Variants in IBTK observed in about 807,000 individuals in gnomAD.
The protein encoded by IBTK is BTK-binding protein.
IBTK carries 83 observed loss-of-function variants against 154.9 expected under a neutral mutation model. The ratio of observed to expected loss-of-function variants is 0.54; its 90% CI spans 0.45 to 0.64. The LOEUF is 0.64. Among genes scored for constraint, IBTK ranks in the 30% least tolerant of loss-of-function variants. The pLI, the probability that IBTK is intolerant of heterozygous loss-of-function variation, is 0.00. For missense variants in IBTK, 1,332 were observed against 1,584.6 expected, an observed-to-expected ratio of 0.84 and a Z score of 2.71; for synonymous variants, 515 against 536.1, an observed-to-expected ratio of 0.96 and a Z score of 0.54.
rs376815814 is a variant in IBTK, at chr6:82,197,254, T to A, written c.3026-808A>T. On this transcript the variant is annotated intron_variant, in intron 21 of 28. Coordinates refer to ENST00000306270, the MANE Select transcript of IBTK (RefSeq NM_015525.4). The stretch of plus-strand genomic sequence containing the variant: ...TGATTTAAAAATAAAACCTACCATC[T>A]CTTATACATTGTTCTCTTTAAAGTA... Among the ~76,000 whole-genome samples, 195 of 152,290 alleles carry A rather than the reference T, an allele frequency of 1.3e-3. 2 individuals are homozygous for A. The highest frequency in any genetic ancestry group is 0.012 in the South Asian group (59 of 4,824).
At chr6:82,198,675 A>G (rs546248091) in intron 21 of IBTK, among the ~76,000 whole-genome samples, 1 of 152,274 alleles carries the variant, frequency 6.6e-6, no homozygotes, top group Non-Finnish European at 1.5e-5. Flanking sequence ...TTGACTATGA[A>G]GTACTGTTAG....
At chr6:82,205,690 T>C (rs1769381381) in intron 16 of IBTK, 2 of 152,162 alleles carry the variant, frequency 1.3e-5, no homozygotes, top group African/African-American at 2.4e-5. Context: ...TGCTTGAACA[T>C]GGGAGGCAGA....
At chr6:82,239,124 T>C (rs941506744) in intron 2 of IBTK, among the ~76,000 whole-genome samples, 1 of 152,032 alleles carries the variant, frequency 6.6e-6, no homozygotes, top group Non-Finnish European at 1.5e-5. Flanking sequence ...TCCTAAATAA[T>C]GTTCAACAAC....
chr6:82,178,139 C>G (rs1768184531), intron 26 of IBTK, among the ~76,000 whole-genome samples: 1 of 152,186 alleles, frequency 6.6e-6, no homozygotes, highest in Admixed American at 6.5e-5. Flanking sequence ...GAATCACTAG[C>G]AGTGATAGCC....
chr6:82,239,391 CGA>C (rs1317881042), intron 2 of IBTK, among the ~76,000 whole-genome samples: 1 of 151,892 alleles, frequency 6.6e-6, no homozygotes, highest in Non-Finnish European at 1.5e-5. Context: ...TGCCATGATC[CGA>C]GATCAGGGGC....
chr6:82,222,914 AC>A (rs376674020), intron 8 of IBTK, among the ~76,000 whole-genome samples: 1,485 of 148,342 alleles, frequency 0.01, 10 homozygotes, highest in African/African-American at 0.013. Flanking sequence ...AAAAAAAAAA[AC>A]AAAAACTTTA....
At chr6:82,204,450 G>T (rs1001727069) in intron 17 of IBTK, among the ~76,000 whole-genome samples, 2 of 152,054 alleles carry the variant, frequency 1.3e-5, no homozygotes, top group Admixed American at 1.3e-4. Flanking sequence ...GCTTTGTTCA[G>T]ATATATAATG....
chr6:82,222,810 T>A (rs751980671), intron 8 of IBTK, among the ~76,000 whole-genome samples: 1 of 151,204 alleles, frequency 6.6e-6, no homozygotes, highest in Admixed American at 6.6e-5. Context: ...ACATCTGTAA[T>A]CCCAGCACTT....
At position 82,204,845 on chromosome 6, in the gene IBTK, A is replaced by C; in HGVS notation, c.2611+12T>G. The stretch of plus-strand genomic sequence containing the variant: ...TGAAAACATATTAATATTCAAACTC[A>C]AAATTACTCACGTTTTTCAGTTAAT... On this transcript the variant is annotated intron_variant, in intron 17 of 28. Transcript: ENST00000306270. The C allele has an allele frequency of 6.6e-7, 1 of 1,504,088 alleles. No homozygotes were observed. Among genetic ancestry groups the C allele is most frequent in the South Asian group, 1.2e-5 (1 of 82,254 alleles). The allele number at this position is 1,504,088 out of a possible 1,614,324, so 93.2% of individuals were successfully genotyped here.
At chr6:82,214,114 C>A (rs1447444650) in intron 12 of IBTK, 113 bp downstream of exon 12, 4 of 1,042,968 alleles carry the variant, frequency 3.8e-6, no homozygotes, top group Non-Finnish European at 5.5e-6. Flanking sequence ...CGCCACCACA[C>A]CCGGCTAATT....
intron 2 of IBTK, among the ~76,000 whole-genome samples, chr6:82,236,933 T>C (rs1362475113): frequency 6.6e-6 from 1 of 152,168 alleles, no homozygotes; most frequent in Non-Finnish European, 1.5e-5. Flanking sequence ...GTGGAATACA[T>C]CCACTGTTAT....
At chr6:82,191,487 G>A (rs1768766791) in intron 24 of IBTK, 1 of 557,550 alleles carries the variant, frequency 1.8e-6, no homozygotes, top group Non-Finnish European at 3.2e-6. Context: ...ATTTCAAAAA[G>A]AACTTGCATC....
chr6:82,205,366 C>G (rs1351434637), intron 16 of IBTK: 3 of 153,428 alleles, frequency 2.0e-5, no homozygotes. Context: ...CAGCATCACA[C>G]TTAATATATA....
chr6:82,230,154 G>A (rs905182502), intron 4 of IBTK, among the ~76,000 whole-genome samples: 3 of 152,080 alleles, frequency 2.0e-5, no homozygotes, highest in African/African-American at 7.2e-5. Context: ...TCAATCTCAG[G>A]ATATAAACTA....
intron 1 of IBTK, among the ~76,000 whole-genome samples, chr6:82,243,573 G>C (rs977799110): frequency 8.5e-5 from 13 of 152,174 alleles, no homozygotes; most frequent in African/African-American, 3.1e-4. Flanking sequence ...GATAGTCACT[G>C]AGTAGCCCTC....
intron 25 of IBTK, 107 bp from the exon 26 acceptor site, chr6:82,182,135 C>T: frequency 1.9e-6 from 2 of 1,030,132 alleles, no homozygotes; most frequent in Non-Finnish European, 2.8e-6. Flanking sequence ...TTACAATATA[C>T]AATTGCAGTT....
Position 82,240,262 on chromosome 6 carries a change from T to G in IBTK, c.225A>C (p.Gly75=). 1 of 1,614,232 alleles carries G rather than the reference T, an allele frequency of 6.2e-7. No individual in the cohort carries two copies. Among genetic ancestry groups the G allele is most frequent in the Non-Finnish European group, 8.5e-7 (1 of 1,180,032 alleles). ...CTTTGTCTTTCACCAACAGATCCAC[T>G]CCTTTCTGAATAAGCCAATCTAACA... ...KGVLDWLIQK[G]VDLLVKDKES... The change falls in exon 2 of 29, where the codon GGA becomes GGC. Residue 75 remains glycine, a synonymous_variant. Coordinates refer to ENST00000306270, the MANE Select transcript of IBTK (RefSeq NM_015525.4).
rs139306871 is a variant in IBTK, at chr6:82,233,055, G to C, written c.418+1104C>G. Among the ~76,000 whole-genome samples the C allele has an allele frequency of 2.6e-5, 4 of 151,612 alleles. No homozygotes were observed. The East Asian group carries it at 7.8e-4, about 30-fold the overall frequency. ...TAATCCCAGCTACTCAGGAGGCTGA[G>C]AGAAGAGAGCCTCTCAGCTTGAACC... On this transcript the variant is annotated intron_variant, in intron 3 of 28. Transcript: ENST00000306270.
At chr6:82,180,465 T>C (rs1463081250) in intron 26 of IBTK, among the ~76,000 whole-genome samples, 2 of 152,134 alleles carry the variant, frequency 1.3e-5, no homozygotes, top group African/African-American at 4.8e-5. Flanking sequence ...GTTGCCAGGC[T>C]GGTCTTGAAC....
Sources: allele counts gnomAD v4.1 joint callset (sites outside exome capture counted in the v4.1 genomes callset), GRCh38; gene constraint gnomAD v4.1.1; transcripts MANE v1.5; gene names NCBI Gene and HGNC (gene_info 2026-07-23, HGNC 2026-07-21).